SLC35D4: variants seen among roughly 807,000 people sequenced by gnomAD.
The protein encoded by SLC35D4 is UDP-N-acetylglucosamine transporter SLC35D4.
chr18:23,344,706 A>G, the SLC35D4 span, among the ~76,000 whole-genome samples: 2 of 145,086 alleles, frequency 1.4e-5, no homozygotes, highest in Non-Finnish European at 3.0e-5. Flanking sequence ...GGTTCATGCC[A>G]TTTTCCTGCC....
At chr18:23,374,773 A>C in the SLC35D4 span, among the ~76,000 whole-genome samples, 2 of 152,056 alleles carry the variant, frequency 1.3e-5, no homozygotes, top group Non-Finnish European at 1.5e-5. Flanking sequence ...GCCTGAGCCA[A>C]TACACCTGGC....
At chr18:23,371,524 A>G in the SLC35D4 span, 1 of 1,438,910 alleles carries the variant, frequency 6.9e-7, no homozygotes, top group South Asian at 1.3e-5. Flanking sequence ...AGGCAAATGG[A>G]ATCCAGTGTG....
At chr18:23,366,810 C>T in the SLC35D4 span, among the ~76,000 whole-genome samples, 1 of 152,154 alleles carries the variant, frequency 6.6e-6, no homozygotes, top group Non-Finnish European at 1.5e-5. Context: ...GCAGTGTGGA[C>T]AGAGGCTAGA....
chr18:23,347,981 A>G, the SLC35D4 span, among the ~76,000 whole-genome samples: 2 of 152,212 alleles, frequency 1.3e-5, no homozygotes, highest in Non-Finnish European at 2.9e-5. Flanking sequence ...GTTTACAGAT[A>G]TAAATTTCCC....
chr18:23,245,908 C>T, the SLC35D4 span, among the ~76,000 whole-genome samples: 1 of 152,246 alleles, frequency 6.6e-6, no homozygotes, highest in Non-Finnish European at 1.5e-5. Context: ...CAGCCTGGGC[C>T]TGCTGCGGGC....
At chr18:23,427,695 C>T in the SLC35D4 span, among the ~76,000 whole-genome samples, 48 of 152,118 alleles carry the variant, frequency 3.2e-4, no homozygotes, top group Non-Finnish European at 2.4e-4. Flanking sequence ...TTATAAATCA[C>T]GCTGCTATAA....
chr18:23,325,219 T>C, the SLC35D4 span, among the ~76,000 whole-genome samples: 2 of 152,170 alleles, frequency 1.3e-5, no homozygotes, highest in African/African-American at 4.8e-5. Context: ...TCTCAGGGAC[T>C]AAATTCTGTT....
chr18:23,287,350 C>T, the SLC35D4 span, among the ~76,000 whole-genome samples: 16 of 152,312 alleles, frequency 1.1e-4, no homozygotes, highest in African/African-American at 3.1e-4. Flanking sequence ...AGCCTCTCTT[C>T]GCTTTCACTT....
chr18:23,279,221 G>T, the SLC35D4 span, among the ~76,000 whole-genome samples: 1 of 152,074 alleles, frequency 6.6e-6, no homozygotes, highest in Admixed American at 6.6e-5. Flanking sequence ...TTCAAATCCA[G>T]GTGAGAAGCA....
chr18:23,379,432 A>G, the SLC35D4 span, among the ~76,000 whole-genome samples: 1 of 152,090 alleles, frequency 6.6e-6, no homozygotes, highest in Non-Finnish European at 1.5e-5. Context: ...CAGTTACTCA[A>G]AATAGAGCTA....
chr18:23,289,773 C>A, the SLC35D4 span, among the ~76,000 whole-genome samples: 1 of 152,174 alleles, frequency 6.6e-6, no homozygotes, highest in Non-Finnish European at 1.5e-5. Context: ...CCTGTTCCTG[C>A]CTTAACTGAT....
At chr18:23,366,786 G>A in the SLC35D4 span, among the ~76,000 whole-genome samples, 1 of 152,152 alleles carries the variant, frequency 6.6e-6, no homozygotes, top group Admixed American at 6.5e-5. Flanking sequence ...TTCTCTGATG[G>A]CCCCAGGGCA....
chr18:23,262,724 A>G, the SLC35D4 span, among the ~76,000 whole-genome samples: 3 of 152,360 alleles, frequency 2.0e-5, no homozygotes, highest in Middle Eastern at 3.4e-3. Flanking sequence ...GCCAAGGCCA[A>G]GGCAGCAGGG....
chr18:23,413,484 C>A, the SLC35D4 span, among the ~76,000 whole-genome samples: 1 of 152,166 alleles, frequency 6.6e-6, no homozygotes. Context: ...TTACCCTGTA[C>A]CCTCCACTGT....
the SLC35D4 span, among the ~76,000 whole-genome samples, chr18:23,277,856 C>T: frequency 6.6e-6 from 1 of 152,140 alleles, no homozygotes; most frequent in Non-Finnish European, 1.5e-5. Flanking sequence ...GGCCTTGGGG[C>T]TCCGAGGAGG....
the SLC35D4 span, among the ~76,000 whole-genome samples, chr18:23,292,474 C>T: frequency 1.3e-5 from 2 of 152,198 alleles, no homozygotes; most frequent in African/African-American, 4.8e-5. Context: ...AAGGCAGCTG[C>T]AGTGCAGGCC....
chr18:23,315,249 CT>C, the SLC35D4 span, among the ~76,000 whole-genome samples: 1 of 152,166 alleles, frequency 6.6e-6, no homozygotes, highest in Non-Finnish European at 1.5e-5. Flanking sequence ...CATCATCTTG[CT>C]TTTGCTCAGC....
chr18:23,309,633 A>G, the SLC35D4 span: 3 of 1,549,712 alleles, frequency 1.9e-6, no homozygotes, highest in East Asian at 2.2e-5. Flanking sequence ...ATCCTGATGA[A>G]ACTCAGTAAC....
chr18:23,432,031 C>T, the SLC35D4 span, among the ~76,000 whole-genome samples: 5 of 152,256 alleles, frequency 3.3e-5, no homozygotes, highest in Admixed American at 1.3e-4. Context: ...ACTGCTTATG[C>T]GTTGTTCTAC....
Sources: gnomAD v4.1 joint callset for allele counts (sites outside exome capture counted in the v4.1 genomes callset) on GRCh38, gnomAD v4.1.1 for gene constraint, MANE v1.5 for transcripts, NCBI Gene and HGNC (gene_info 2026-07-23, HGNC 2026-07-21) for gene names.